Variants in KDM4B observed in about 807,000 individuals in gnomAD.
KDM4B encodes the protein lysine demethylase 4B.
KDM4B carries 32 observed loss-of-function variants against 125.2 expected under a neutral mutation model. The observed-to-expected ratio is 0.26, with a 90% CI of 0.19 to 0.34. The LOEUF (loss-of-function observed/expected upper bound fraction) is 0.34, where lower values mean the gene tolerates loss of function less well. Among genes scored for constraint, KDM4B ranks in the 10% least tolerant of loss-of-function variants. KDM4B has a pLI of 1.00. For synonymous variants in KDM4B, 721 were observed against 677.9 expected (o/e 1.06, Z -0.99); for missense variants, 1,190 against 1,577.7 (o/e 0.75, Z 4.16).
Position 5,110,828 on chromosome 19 carries a change from C to A in KDM4B, c.1115+10C>A. 6.4e-7 allele frequency: 1 copy of A among 1,554,704 alleles called. No individual in the cohort carries two copies. The highest frequency in any genetic ancestry group is 8.7e-7 in the Non-Finnish European group (1 of 1,151,012). On this transcript the variant is annotated intron_variant, in intron 10 of 22. Transcript: ENST00000159111. The stretch of plus-strand genomic sequence containing the variant: ...CCAAGCTCCTCCGCAGGTGAGTTGC[C>A]AAGGGACTGCCGCGTGACTGCCCAG...
At chr19:5,057,063 T>TGTGTGC (rs1555701553) in intron 6 of KDM4B, among the ~76,000 whole-genome samples, 4 of 134,364 alleles carry the variant, frequency 3.0e-5, no homozygotes, top group Non-Finnish European at 5.0e-5. Context: ...TGTGTGTGTG[T>TGTGTGC]GTGCGCGCGC....
At chr19:5,014,157 AT>A (rs2035817149) in intron 1 of KDM4B, among the ~76,000 whole-genome samples, 1 of 152,206 alleles carries the variant, frequency 6.6e-6, no homozygotes, top group Non-Finnish European at 1.5e-5. Flanking sequence ...TGCATTATTT[AT>A]TTTTTTGAGA....
intron 9 of KDM4B, among the ~76,000 whole-genome samples, chr19:5,098,819 C>T (rs1232390842): frequency 6.6e-6 from 1 of 152,186 alleles, no homozygotes; most frequent in East Asian, 1.9e-4. Flanking sequence ...CCTCACCAGA[C>T]ACCAGACCTG....
intron 1 of KDM4B, 79 bp downstream of exon 1, chr19:4,969,309 G>A (rs2034159077): frequency 6.8e-6 from 1 of 146,470 alleles, no homozygotes; most frequent in Non-Finnish European, 1.5e-5. Flanking sequence ...CGCGGCTCGG[G>A]GCTGCGGGCG....
Position 5,151,736 on chromosome 19 carries a change from A to C in KDM4B, c.*225A>C, listed in dbSNP as rs2146128810. Reference sequence around the variant, plus strand: ...CGGGGGCCGGCCAGGGGAGCACCCCACTCAACTACTCAGAATTTTAAACCA... The same window carrying C: ...CGGGGGCCGGCCAGGGGAGCACCCCCCTCAACTACTCAGAATTTTAAACCA... On this transcript the variant is annotated 3_prime_UTR_variant, in exon 23 of 23. Coordinates refer to ENST00000159111, the MANE Select transcript of KDM4B (RefSeq NM_015015.3). The C allele has an allele frequency of 2.5e-6, 1 of 393,820 alleles. No individual in the cohort carries two copies. The highest frequency in any genetic ancestry group is 2.1e-5 in the African/African-American group (1 of 48,578). 24.4% of individuals were successfully genotyped at this position (393,820 alleles called of 1,614,324 possible). A position where few individuals can be genotyped will look rare whatever the true frequency, so the allele number is the denominator to read the frequency against.
intron 6 of KDM4B, among the ~76,000 whole-genome samples, chr19:5,069,289 A>ATTTATT (rs534345283): frequency 1.5e-4 from 23 of 151,682 alleles, no homozygotes; most frequent in Non-Finnish European, 2.4e-4. Context: ...CCCCCTCCTT[A>ATTTATT]TTTATTTTTA....
chr19:4,987,983 T>G (rs2034898348), intron 1 of KDM4B, among the ~76,000 whole-genome samples: 1 of 152,226 alleles, frequency 6.6e-6, no homozygotes, highest in South Asian at 2.1e-4. Flanking sequence ...GCTCGGCCAC[T>G]TCCTGCACAG....
chr19:4,993,506 TG>T (rs2145391250), intron 1 of KDM4B, among the ~76,000 whole-genome samples: 1 of 152,346 alleles, frequency 6.6e-6, no homozygotes, highest in South Asian at 2.1e-4. Flanking sequence ...TCATGTATTT[TG>T]GGGCTCTGTT....
chr19:5,069,675 A>G (rs2037885780), intron 6 of KDM4B, among the ~76,000 whole-genome samples: 1 of 151,992 alleles, frequency 6.6e-6, no homozygotes, highest in Non-Finnish European at 1.5e-5. Flanking sequence ...GTGCAGTGGC[A>G]CCATCTTGGC....
intron 1 of KDM4B, among the ~76,000 whole-genome samples, chr19:5,002,389 T>C (rs918293016): frequency 8.6e-5 from 13 of 151,170 alleles, no homozygotes; most frequent in African/African-American, 3.2e-4. Context: ...TTTTTCTTTC[T>C]CCTTTCCTTT....
rs570970778 is a variant in KDM4B at position 5,035,886 on chromosome 19, C to T, written c.141+2855C>T. The stretch of plus-strand genomic sequence containing the variant: ...CTCTGTGTGTGTGTGTGTGTGCGCG[C>T]GCGCGCGCGCCTGCGCGCACAGGAG... On this transcript the variant is annotated intron_variant, in intron 3 of 22. Transcript: ENST00000159111. This position sits in a 1 kb window ranked among gnomAD's most constrained non-coding sequence, Gnocchi z 5.3. Among the ~76,000 whole-genome samples, 33,393 of 84,898 alleles carry T rather than the reference C, an allele frequency of 0.39. 4,542 individuals carry two copies. The highest frequency in any genetic ancestry group is 0.66 in the East Asian group (3,090 of 4,684). The allele number at this position is 84,898 out of a possible 152,430, so 55.7% of individuals were successfully genotyped here.
chr19:5,044,657 C>T (rs1007259974), intron 5 of KDM4B, among the ~76,000 whole-genome samples: 31 of 152,124 alleles, frequency 2.0e-4, no homozygotes, highest in African/African-American at 7.5e-4. Flanking sequence ...AAGCGATTCT[C>T]CTGCCTCAGC....
rs747572925 is a variant in KDM4B at position 5,032,849 on chromosome 19, C to T, written c.-25-17C>T. On this transcript the variant is annotated splice_polypyrimidine_tract_variant and intron_variant, in intron 2 of 22. Transcript: ENST00000159111. ...TGGCGGCACCGCTGGTTCACCCTCT[C>T]TCGTCTTCCTCCACAGGTGTGCTTC... 4.4e-6 allele frequency: 7 copies of T among 1,607,896 alleles called. No homozygotes were observed. The South Asian group carries it at 6.6e-5, about 15-fold the overall frequency.
At chr19:5,019,405 T>C in intron 2 of KDM4B, among the ~76,000 whole-genome samples, 1 of 139,596 alleles carries the variant, frequency 7.2e-6, no homozygotes, top group Admixed American at 7.2e-5. Context: ...TGGATGTTGG[T>C]GTGCAGGTGC....
chr19:5,111,501 A>G (rs756357925), intron 10 of KDM4B: 2 of 765,244 alleles, frequency 2.6e-6, no homozygotes, highest in Non-Finnish European at 4.8e-6. Flanking sequence ...ACACGGAGGC[A>G]GGTCCCGGCC....
At position 5,131,327 on chromosome 19, in the gene KDM4B, C is replaced by T. The variant is rs755709116; in HGVS notation, c.1567C>T (p.Arg523Trp). The T allele has an allele frequency of 1.5e-5, 24 of 1,612,134 alleles. No homozygotes were observed. Among genetic ancestry groups the T allele is most frequent in the Admixed American group, 5.0e-5 (3 of 59,970 alleles). Residue 523 changes from arginine to tryptophan, a missense_variant, in exon 12 of 23, where the codon CGG becomes TGG. Coordinates refer to ENST00000159111, the MANE Select transcript of KDM4B (RefSeq NM_015015.3). ...CAGTGAGGAGCTAGAGGCCAAGCCT[C>T]GGCCCATCATCCCCATGCTGTACGT... ...VPSEELEAKPRPIIPMLYVVP... is the reference protein window; with the variant it reads ...VPSEELEAKPWPIIPMLYVVP...
intron 10 of KDM4B, chr19:5,119,361 T>G: frequency 3.0e-6 from 2 of 666,720 alleles, no homozygotes. Context: ...CCACCTGGTG[T>G]CAGTCGGCTT....
intron 1 of KDM4B, among the ~76,000 whole-genome samples, chr19:4,988,194 A>T (rs1378593764): frequency 6.6e-6 from 1 of 152,164 alleles, no homozygotes; most frequent in Non-Finnish European, 1.5e-5. Context: ...ACCTAACCCC[A>T]CGGCCCATGC....
At chr19:5,080,865 A>AATGAAAAGGAGCGGTCGCC (rs2038270585) in intron 8 of KDM4B, 1 of 152,234 alleles carries the variant, frequency 6.6e-6, no homozygotes, top group African/African-American at 2.4e-5. Flanking sequence ...ACTGTTTAGA[A>AATGAAAAGGAGCGGTCGCC]ATGAAAAGGA....
Sources: gnomAD v4.1 joint callset for allele counts (sites outside exome capture counted in the v4.1 genomes callset) on GRCh38, gnomAD v4.1.1 for gene constraint, Gnocchi (gnomAD v3.1) non-coding constraint, MANE v1.5 for transcripts, NCBI Gene and HGNC (gene_info 2026-07-23, HGNC 2026-07-21) for gene names.